SOX5: variants seen among roughly 807,000 people sequenced by gnomAD.
SOX5 encodes SRY-box transcription factor 5, also known as transcription factor SOX-5.
SOX5 carries 9 observed loss-of-function variants against 92.0 expected under a neutral mutation model. That is an observed-to-expected ratio of 0.10 (90% CI 0.06 to 0.17). The LOEUF (loss-of-function observed/expected upper bound fraction) is 0.17. Among genes scored for constraint, SOX5 ranks in the 10% least tolerant of loss-of-function variants. SOX5 has a pLI of 1.00. For synonymous variants in SOX5, 344 were observed against 336.3 expected (o/e 1.02, Z -0.25); for missense variants, 642 against 944.5 (o/e 0.68, Z 4.20).
chr12:23,595,106 CAGCTGT>C (rs2137234966), intron 9 of SOX5, among the ~76,000 whole-genome samples: 1 of 152,260 alleles, frequency 6.6e-6, no homozygotes, highest in Non-Finnish European at 1.5e-5. Flanking sequence ...GTTTTGTTTA[CAGCTGT>C]AGTTCTACTG....
Position 24,506,784 on chromosome 12 carries a change from C to CTTTTTTTTTTT in SOX5, c.-251+55534_-251+55544dup, listed in dbSNP as rs386375924. ...CTGTATTTCATGGTATCCAAATGGT[C>CTTTTTTTTTTT]TTTTTTTTTTTTTTTTTTTTTTGGA... On this transcript the variant is annotated intron_variant, in intron 1 of 4. Transcript: ENST00000446891. 8.6e-4 allele frequency among the ~76,000 whole-genome samples: 70 copies of CTTTTTTTTTTT among 81,766 alleles called. 5 individuals are homozygous for CTTTTTTTTTTT. Among genetic ancestry groups the CTTTTTTTTTTT allele is most frequent in the Admixed American group, 1.3e-3 (7 of 5,442 alleles). The allele number at this position is 81,766 out of a possible 152,430, so 53.6% of individuals were successfully genotyped here. A position where few individuals can be genotyped will look rare whatever the true frequency, so the allele number is the denominator to read the frequency against.
Position 23,813,352 on chromosome 12 carries a change from G to A in SOX5, c.481+32631C>T, listed in dbSNP as rs775531107. ...ACATGTGGAAGTCCCTCTCTCCCAC[G>A]CACATAACTAAACCAGCAGCCATCT... is the stretch of plus-strand genomic sequence containing the variant. On this transcript the variant is annotated intron_variant, in intron 3 of 14. Coordinates refer to ENST00000451604, the MANE Select transcript of SOX5 (RefSeq NM_006940.6). Among the ~76,000 whole-genome samples the A allele has an allele frequency of 5.3e-5, 8 of 152,030 alleles. No homozygotes were observed. In the East Asian group the frequency reaches 7.8e-4, roughly 15 times the overall value.
rs927315156 is a variant in SOX5 at position 23,695,724 on chromosome 12, G to A, written c.811-30160C>T. Among the ~76,000 whole-genome samples the A allele has an allele frequency of 4.0e-5, 6 of 151,780 alleles. No individual in the cohort carries two copies. In the South Asian group the frequency reaches 8.3e-4, roughly 21 times the overall value. On this transcript the variant is annotated intron_variant, in intron 6 of 14. Transcript: ENST00000451604. ...TGGGAGGCCAAGGCGAGTGGATCACGAGGTCAGGAGATCGAGACCATCCTG... is the reference window on the plus strand; with the variant it reads ...TGGGAGGCCAAGGCGAGTGGATCACAAGGTCAGGAGATCGAGACCATCCTG...
At chr12:24,480,657 G>C (rs1945885933) in intron 1 of SOX5, among the ~76,000 whole-genome samples, 1 of 152,056 alleles carries the variant, frequency 6.6e-6, no homozygotes, top group South Asian at 2.1e-4. Flanking sequence ...CATATGAAAA[G>C]GTACTCAACA....
chr12:24,483,428 T>C (rs1212790748), intron 1 of SOX5, among the ~76,000 whole-genome samples: 2 of 152,198 alleles, frequency 1.3e-5, no homozygotes, highest in Admixed American at 6.5e-5. Context: ...AATTCACTTA[T>C]GTAAATGCAC....
chr12:24,333,532 G>A (rs1951562265), intron 2 of SOX5, among the ~76,000 whole-genome samples: 1 of 151,810 alleles, frequency 6.6e-6, no homozygotes, highest in Admixed American at 6.6e-5. Flanking sequence ...ACATCAGTAT[G>A]ATCATTTTAC....
In SOX5 at chr12:24,086,929, C is replaced by G. The variant is rs539422402; in HGVS notation, c.-2+126414G>C. 2.6e-5 allele frequency among the ~76,000 whole-genome samples: 4 copies of G among 152,164 alleles called. No homozygotes were observed. In the South Asian group the frequency reaches 8.3e-4, roughly 31 times the overall value. ...TTTAAATTTGTCACAAGTGGTATTT[C>G]AACAATAGTTCGGAATGTACCAATC... On this transcript the variant is annotated intron_variant, in intron 4 of 4. Coordinates refer to the SOX5 transcript ENST00000446891.
intron 3 of SOX5, among the ~76,000 whole-genome samples, chr12:23,757,234 A>C (rs2094418224): frequency 6.6e-6 from 1 of 151,960 alleles, no homozygotes; most frequent in Non-Finnish European, 1.5e-5. Context: ...AGTTGAAATG[A>C]ATGAATGAAA....
At chr12:24,484,902 C>T (rs890169497) in intron 1 of SOX5, among the ~76,000 whole-genome samples, 61 of 152,174 alleles carry the variant, frequency 4.0e-4, no homozygotes, top group African/African-American at 1.4e-3. Flanking sequence ...TAATGTAAAA[C>T]CCTTTACTAG....
At chr12:23,602,908 G>T (rs1450646960) in intron 9 of SOX5, among the ~76,000 whole-genome samples, 2 of 151,992 alleles carry the variant, frequency 1.3e-5, no homozygotes, top group African/African-American at 4.8e-5. Flanking sequence ...AAGCAGACCA[G>T]GCCTTAGATA....
chr12:24,418,263 T>C (rs778084738), intron 1 of SOX5, among the ~76,000 whole-genome samples: 4 of 152,226 alleles, frequency 2.6e-5, no homozygotes, highest in Admixed American at 6.5e-5. Context: ...GTAAGAGCTA[T>C]GCAGTTTGAG....
At chr12:24,138,697 CT>C (rs1359961188) in intron 4 of SOX5, among the ~76,000 whole-genome samples, 2 of 152,172 alleles carry the variant, frequency 1.3e-5, no homozygotes, top group Non-Finnish European at 2.9e-5. Flanking sequence ...TAAAATGCTA[CT>C]TTTACAAAAT....
At chr12:24,240,126 G>A (rs1965295064) in intron 3 of SOX5, among the ~76,000 whole-genome samples, 3 of 152,148 alleles carry the variant, frequency 2.0e-5, no homozygotes, top group Admixed American at 2.0e-4. Context: ...AGTAGTGGTT[G>A]TATTAATATT....
chr12:23,899,827 C>A (rs2097213761), intron 1 of SOX5, among the ~76,000 whole-genome samples: 1 of 152,176 alleles, frequency 6.6e-6, no homozygotes, highest in Non-Finnish European at 1.5e-5. Flanking sequence ...AAACCTATTT[C>A]TCGGCCTCTG....
chr12:24,355,077 T>C (rs1450324874), intron 2 of SOX5, among the ~76,000 whole-genome samples: 7 of 152,134 alleles, frequency 4.6e-5, no homozygotes, highest in Non-Finnish European at 7.3e-5. Flanking sequence ...AGAAATTGTA[T>C]AGAGTTGACA....
chr12:24,456,195 C>T (rs1015380655), intron 1 of SOX5, among the ~76,000 whole-genome samples: 6 of 152,118 alleles, frequency 3.9e-5, no homozygotes, highest in African/African-American at 1.4e-4. Context: ...ATAAAGAAAC[C>T]TCAGCCAAGA....
At chr12:23,543,182 C>A (rs7485662) in intron 13 of SOX5, 29 bp downstream of exon 13, 5 of 1,582,924 alleles carry the variant, frequency 3.2e-6, no homozygotes, top group South Asian at 1.1e-5. Flanking sequence ...TTATTCCATA[C>A]GTCACTTAGT....
intron 3 of SOX5, among the ~76,000 whole-genome samples, chr12:24,276,469 A>G (rs1944444664): frequency 6.6e-6 from 1 of 152,168 alleles, no homozygotes; most frequent in African/African-American, 2.4e-5. Context: ...CTTTTCAGGT[A>G]TCAACGAAAG....
At chr12:24,289,954 C>T (rs968837827) in intron 2 of SOX5, among the ~76,000 whole-genome samples, 1 of 152,164 alleles carries the variant, frequency 6.6e-6, no homozygotes, top group East Asian at 1.9e-4. Context: ...CATCACCAGA[C>T]TCTCTTTCAA....
Sources: gnomAD v4.1 joint callset for allele counts (sites outside exome capture counted in the v4.1 genomes callset) on GRCh38, gnomAD v4.1.1 for gene constraint, MANE v1.5 for transcripts, NCBI Gene and HGNC (gene_info 2026-07-23, HGNC 2026-07-21) for gene names.